The following CACNB2 variants were observed in gnomAD, a reference collection of about 807,000 sequenced individuals.
The protein encoded by CACNB2 is calcium voltage-gated channel auxiliary subunit beta 2.
In CACNB2, 42 loss-of-function variants were observed where a neutral mutation model predicts 73.3. That is an observed-to-expected ratio of 0.57 (90% CI 0.45 to 0.74). The LOEUF is 0.74. CACNB2 is among the 30% of genes least tolerant of loss of function. The probability of loss-of-function intolerance (pLI) is 0.00; values close to 1 mark genes in which losing one functional copy is unlikely to be tolerated. For missense variants in CACNB2, 940 were observed against 853.0 expected (o/e 1.10, Z -1.27); for synonymous variants, 348 against 310.3 (o/e 1.12, Z -1.28).
intron 2 of CACNB2, among the ~76,000 whole-genome samples, chr10:18,346,078 G>A (rs1046192317): frequency 6.6e-6 from 1 of 152,072 alleles, no homozygotes; most frequent in African/African-American, 2.4e-5. Flanking sequence ...TTCCTGCAGG[G>A]CTCCCCCTCC....
chr10:18,387,208 C>A (rs2043273071), intron 2 of CACNB2, among the ~76,000 whole-genome samples: 2 of 152,176 alleles, frequency 1.3e-5, no homozygotes, highest in Non-Finnish European at 2.9e-5. Flanking sequence ...ATGACTGTTT[C>A]CTGCCAGCTG....
chr10:18,187,406 A>C (rs2034202159), intron 2 of CACNB2, among the ~76,000 whole-genome samples: 1 of 152,204 alleles, frequency 6.6e-6, no homozygotes, highest in Non-Finnish European at 1.5e-5. Context: ...AGATTTTGCT[A>C]AGATAAGCTA....
intron 5 of CACNB2, among the ~76,000 whole-genome samples, chr10:18,501,211 A>G (rs913214405): frequency 6.6e-5 from 10 of 152,262 alleles, no homozygotes; most frequent in Non-Finnish European, 1.5e-4. Context: ...TTCAGGCTCC[A>G]GGGCAGAGGA....
chr10:18,240,740 C>T (rs932754652), intron 2 of CACNB2, among the ~76,000 whole-genome samples: 8 of 152,124 alleles, frequency 5.3e-5, no homozygotes, highest in African/African-American at 1.7e-4. Context: ...GTCTGTCACC[C>T]AGTCCTTTGG....
chr10:18,150,853 G>GTTTTTTTTTTTTTTTT (rs756678637), intron 1 of CACNB2, 30 bp from the exon 2 acceptor site: 4 of 655,468 alleles, frequency 6.1e-6, no homozygotes, highest in Non-Finnish European at 6.2e-6. Context: ...AATCTTATTT[G>GTTTTTTTTTTTTTTTT]TCTTTTTTTT....
chr10:18,140,749 G>T lies in CACNB2; in HGVS notation c.13G>T (p.Asp5Tyr). 1 of 1,594,912 alleles carries T rather than the reference G, an allele frequency of 6.3e-7. No homozygotes were observed. The highest frequency in any genetic ancestry group is 8.5e-7 in the Non-Finnish European group (1 of 1,172,340). The change falls in exon 1 of 14, where the codon GAC (aspartate) becomes TAC (tyrosine). Residue 5 changes from aspartate (D) to tyrosine (Y), a missense_variant. Asp to Tyr is a radical substitution (Grantham distance 160). Transcript: ENST00000324631. MVQR[D>Y]MSKSPPTAAA... ...CGACTTTTCGCCAATGGTCCAAAGG[G>T]ACATGTCCAAGTCGCCTCCCACAGC...
At chr10:18,282,603 T>C (rs1389866721) in intron 2 of CACNB2, among the ~76,000 whole-genome samples, 1 of 152,232 alleles carries the variant, frequency 6.6e-6, no homozygotes, top group Non-Finnish European at 1.5e-5. Context: ...CATAGAATGC[T>C]GAGCACTCTT....
chr10:18,435,733 C>G (rs888470608), intron 3 of CACNB2, among the ~76,000 whole-genome samples: 1 of 152,124 alleles, frequency 6.6e-6, no homozygotes, highest in African/African-American at 2.4e-5. Context: ...CTCCCAGGCT[C>G]AAGGGATCCA....
At chr10:18,410,023 A>G (rs1287980182) in intron 3 of CACNB2, among the ~76,000 whole-genome samples, 2 of 152,066 alleles carry the variant, frequency 1.3e-5, no homozygotes, top group South Asian at 2.1e-4. Flanking sequence ...GATAAGTCCA[A>G]TGTCCAGTCA....
intron 3 of CACNB2, among the ~76,000 whole-genome samples, chr10:18,435,063 C>T (rs749653708): frequency 1.3e-5 from 2 of 152,150 alleles, no homozygotes; most frequent in African/African-American, 4.8e-5. Flanking sequence ...CTGGAGCCCA[C>T]GTAGATGCCT....
At chr10:18,303,413 A>G (rs2039605011) in intron 2 of CACNB2, among the ~76,000 whole-genome samples, 1 of 152,110 alleles carries the variant, frequency 6.6e-6, no homozygotes, top group Admixed American at 6.5e-5. Context: ...GCTGAGATAG[A>G]AGGCTCGCTT....
intron 2 of CACNB2, among the ~76,000 whole-genome samples, chr10:18,154,292 TAA>T (rs559529942): frequency 1.5e-5 from 2 of 137,562 alleles, no homozygotes; most frequent in African/African-American, 5.3e-5. Context: ...TTAAGAACTT[TAA>T]AAAAAAAAAA....
rs751250568 is a variant in CACNB2, at chr10:18,309,232, G to A, written c.214-92692G>A. 6.4e-4 allele frequency among the ~76,000 whole-genome samples: 97 copies of A among 151,996 alleles called. 1 individual carries two copies. The highest frequency in any genetic ancestry group is 1.9e-4 in the Non-Finnish European group (13 of 68,012). ...GAAAAGTGACTCTTGTATTTATGAC[G>A]GGAGAAAGAGGGGACAATTCAGAAA... On this transcript the variant is annotated intron_variant, in intron 2 of 13. Coordinates refer to ENST00000324631, the MANE Select transcript of CACNB2 (RefSeq NM_201596.3).
At chr10:18,240,483 G>T (rs1169069939) in intron 2 of CACNB2, among the ~76,000 whole-genome samples, 1 of 152,134 alleles carries the variant, frequency 6.6e-6, no homozygotes, top group Non-Finnish European at 1.5e-5. Flanking sequence ...GTGTAACCAG[G>T]TCGCTCACTA....
At chr10:18,395,741 A>T (rs2043683899) in intron 2 of CACNB2, among the ~76,000 whole-genome samples, 1 of 152,154 alleles carries the variant, frequency 6.6e-6, no homozygotes. Context: ...CCCTGCAGCG[A>T]TGTATTGCTA....
chr10:18,158,942 C>G (rs1249022713), intron 2 of CACNB2, among the ~76,000 whole-genome samples: 2 of 152,158 alleles, frequency 1.3e-5, no homozygotes, highest in Non-Finnish European at 2.9e-5. Context: ...GTTAAAGCAG[C>G]TTTGATGAGG....
At chr10:18,190,410 G>C (rs77353696) in intron 2 of CACNB2, among the ~76,000 whole-genome samples, 4,748 of 152,100 alleles carry the variant, frequency 0.031, 110 homozygotes, top group Non-Finnish European at 0.045. Flanking sequence ...ACCCTGCCCC[G>C]AGAGTGACCC....
intron 3 of CACNB2, among the ~76,000 whole-genome samples, chr10:18,495,561 G>GTT (rs1413946134): frequency 1.5e-5 from 2 of 137,266 alleles, no homozygotes; most frequent in African/African-American, 6.2e-5. Flanking sequence ...GTGTGTGTGT[G>GTT]TGTGTGTGTG....
chr10:18,339,614 C>T (rs753218482), intron 2 of CACNB2, among the ~76,000 whole-genome samples: 8 of 152,124 alleles, frequency 5.3e-5, no homozygotes, highest in Admixed American at 3.3e-4. Flanking sequence ...TAAAGGGCCA[C>T]GTAGGACATA....
Sources: allele counts gnomAD v4.1 joint callset (sites outside exome capture counted in the v4.1 genomes callset), GRCh38; gene constraint gnomAD v4.1.1; transcripts MANE v1.5; gene names NCBI Gene and HGNC (gene_info 2026-07-23, HGNC 2026-07-21).